LRCH1: variants seen among roughly 807,000 people sequenced by gnomAD.
LRCH1 encodes the protein leucine rich repeats and calponin homology domain containing 1.
LRCH1 carries 23 observed loss-of-function variants against 94.9 expected under a neutral mutation model. The observed-to-expected ratio is 0.24, with a 90% CI of 0.17 to 0.34. The LOEUF (loss-of-function observed/expected upper bound fraction) is 0.34. Ranked by LOEUF, LRCH1 falls within the 10% of genes least tolerant of loss-of-function variation. The pLI is 1.00. For missense variants in LRCH1, 790 were observed against 945.9 expected (o/e 0.84, Z 2.16); for synonymous variants, 364 against 354.9 (o/e 1.03, Z -0.29).
At chr13:46,555,141 C>A (rs929176646) in intron 1 of LRCH1, among the ~76,000 whole-genome samples, 1 of 152,160 alleles carries the variant, frequency 6.6e-6, no homozygotes, top group African/African-American at 2.4e-5. Context: ...GAGGGAATTT[C>A]CAAAGTTGAG....
chr13:46,750,734 C>G (rs1874093636), exon 19 of LRCH1: 2 of 837,642 alleles, frequency 2.4e-6, no homozygotes. Context: ...TCAACCCTCT[C>G]TCCCACCCAC....
At chr13:46,611,142 G>A (rs2050743206) in intron 1 of LRCH1, among the ~76,000 whole-genome samples, 1 of 152,276 alleles carries the variant, frequency 6.6e-6, no homozygotes. Context: ...TCCCCGGTTG[G>A]TTTTGCTTCT....
Position 46,553,299 on chromosome 13 carries a change from A to G in LRCH1, c.-98A>G, listed in dbSNP as rs955071428. 129 of 775,506 alleles carry G rather than the reference A, an allele frequency of 1.7e-4. No individual in the cohort carries two copies. In the African/African-American group the frequency reaches 1.9e-3, roughly 12 times the overall value. 48.0% of individuals were successfully genotyped at this position (775,506 alleles called of 1,614,324 possible). On this transcript the variant is annotated 5_prime_UTR_variant, in exon 1 of 20. Coordinates refer to ENST00000389797, the MANE Select transcript of LRCH1 (RefSeq NM_001164211.2). ...TCCTTCCAGCGCCTTTCGGTGGAGCACTGCGGCACTCAGCCCGAGCTGCCG... is the reference window on the plus strand; with the variant it reads ...TCCTTCCAGCGCCTTTCGGTGGAGCGCTGCGGCACTCAGCCCGAGCTGCCG...
chr13:46,612,296 T>G (rs2050756421), intron 1 of LRCH1, among the ~76,000 whole-genome samples: 1 of 152,226 alleles, frequency 6.6e-6, no homozygotes, highest in African/African-American at 2.4e-5. Context: ...GTTCACTGAA[T>G]TTTAAAGTTA....
intron 2 of LRCH1, among the ~76,000 whole-genome samples, chr13:46,655,293 A>C (rs2051356701): frequency 2.6e-5 from 4 of 152,256 alleles, no homozygotes; most frequent in Admixed American, 2.6e-4. Flanking sequence ...TTTAATTAGC[A>C]CATGAAAAAA....
chr13:46,612,165 T>G (rs1034834110), intron 1 of LRCH1, among the ~76,000 whole-genome samples: 1 of 152,214 alleles, frequency 6.6e-6, no homozygotes, highest in African/African-American at 2.4e-5. Context: ...GGCACACATT[T>G]ACCTATGTGA....
downstream of LRCH1, among the ~76,000 whole-genome samples, chr13:46,749,255 C>G (rs113190221): frequency 5.3e-5 from 8 of 152,192 alleles, 1 homozygote; most frequent in African/African-American, 1.9e-4. Flanking sequence ...TGAACCTAGA[C>G]GATATTATGC....
intron 1 of LRCH1, among the ~76,000 whole-genome samples, chr13:46,571,327 T>C (rs1351189124): frequency 2.0e-5 from 3 of 152,132 alleles, no homozygotes; most frequent in African/African-American, 2.4e-5. Context: ...CGTGTTTCCA[T>C]TGAGTGTGCT....
intron 1 of LRCH1, among the ~76,000 whole-genome samples, chr13:46,633,136 C>G (rs1278085272): frequency 6.6e-6 from 1 of 152,154 alleles, no homozygotes; most frequent in Non-Finnish European, 1.5e-5. Context: ...TAAATGTGAA[C>G]TTTAAAAATT....
At chr13:46,690,794 C>T (rs547588609) in intron 7 of LRCH1, among the ~76,000 whole-genome samples, 14 of 152,188 alleles carry the variant, frequency 9.2e-5, no homozygotes, top group African/African-American at 2.9e-4. Flanking sequence ...ATAAGTGTTC[C>T]AAATTATCTT....
intron 11 of LRCH1, among the ~76,000 whole-genome samples, chr13:46,704,375 G>A (rs1005293610): frequency 6.6e-6 from 1 of 151,944 alleles, no homozygotes; most frequent in East Asian, 1.9e-4. Flanking sequence ...TACCTTTTAT[G>A]CATCAGAAAA....
chr13:46,571,401 A>C (rs971598517), intron 1 of LRCH1, among the ~76,000 whole-genome samples: 2 of 152,166 alleles, frequency 1.3e-5, no homozygotes, highest in African/African-American at 2.4e-5. Context: ...AGTGCCAGAG[A>C]TTCAAGTGGC....
Position 46,692,542 on chromosome 13 carries a change from G to A in LRCH1, c.1021G>A (p.Asp341Asn), listed in dbSNP as rs1226746457. The A allele has an allele frequency of 6.2e-7, 1 of 1,612,590 alleles. No individual in the cohort carries two copies. The highest frequency in any genetic ancestry group is 2.2e-5 in the East Asian group (1 of 44,878). The change falls in exon 8 of 20, where the codon GAC becomes AAC. Residue 341 changes from aspartate to asparagine, a missense_variant. Transcript: ENST00000389797. ...DKRLSATEPS[D>N]EDTVSLNVPM... ...GTGCACTGTATCTTTTTAGCCTTCT[G>A]ACGAAGACACTGTTAGCCTCAATGT...
intron 1 of LRCH1, among the ~76,000 whole-genome samples, chr13:46,576,767 T>C (rs191176785): frequency 2.6e-5 from 4 of 152,380 alleles, no homozygotes; most frequent in African/African-American, 7.2e-5. Flanking sequence ...TAGGACTATG[T>C]TGGCATTTGT....
Position 46,606,402 on chromosome 13 carries a change from T to C in LRCH1, c.308-43799T>C, listed in dbSNP as rs1005731115. Among the ~76,000 whole-genome samples, 8 of 152,142 alleles carry C rather than the reference T, an allele frequency of 5.3e-5. No individual in the cohort carries two copies. The East Asian group carries it at 7.7e-4, about 15-fold the overall frequency. On this transcript the variant is annotated intron_variant, in intron 1 of 19. Coordinates refer to ENST00000389797, the MANE Select transcript of LRCH1 (RefSeq NM_001164211.2). ...AAACTCATGAGTGCATGGGGAACTT[T>C]TTGATATCCTTCCTCATTGTCAGTT...
intron 14 of LRCH1, among the ~76,000 whole-genome samples, chr13:46,712,053 C>T (rs1442342357): frequency 2.0e-5 from 3 of 151,984 alleles, no homozygotes; most frequent in East Asian, 3.8e-4. Context: ...TTTTAAAAAC[C>T]GAATGTAGGA....
At chr13:46,741,175 T>A (rs1873634402) in intron 19 of LRCH1, among the ~76,000 whole-genome samples, 1 of 152,240 alleles carries the variant, frequency 6.6e-6, no homozygotes, top group African/African-American at 2.4e-5. Context: ...GAGAACTACT[T>A]TATATCCAAG....
intron 1 of LRCH1, among the ~76,000 whole-genome samples, chr13:46,580,724 A>C (rs2050355585): frequency 6.6e-6 from 1 of 152,224 alleles, no homozygotes; most frequent in Non-Finnish European, 1.5e-5. Flanking sequence ...TGTCACTTGC[A>C]AGACATTTCT....
At position 46,694,887 on chromosome 13, in the gene LRCH1, TA is replaced by T; in HGVS notation, c.1121-4del. The T allele has an allele frequency of 1.2e-6, 2 of 1,614,042 alleles. No individual in the cohort carries two copies. The highest frequency in any genetic ancestry group is 1.7e-6 in the Non-Finnish European group (2 of 1,179,938). ...TGCTTTCCATCTCTCTATATTTTCC[TA>T]ATAGGGGAATTTCATCAGGAATTTC... On this transcript the variant is annotated splice_polypyrimidine_tract_variant and splice_region_variant and intron_variant, in intron 8 of 19. Coordinates refer to ENST00000389797, the MANE Select transcript of LRCH1 (RefSeq NM_001164211.2).
Sources: allele counts gnomAD v4.1 joint callset (sites outside exome capture counted in the v4.1 genomes callset), GRCh38; gene constraint gnomAD v4.1.1; transcripts MANE v1.5; gene names NCBI Gene and HGNC (gene_info 2026-07-23, HGNC 2026-07-21).